Variants in TLK2 observed in about 807,000 individuals in gnomAD.
TLK2 encodes serine/threonine-protein kinase tousled-like 2.
A neutral mutation model predicts 117.3 loss-of-function variants in TLK2; 6 were observed. The ratio of observed to expected loss-of-function variants is 0.05; its 90% CI spans 0.03 to 0.10. The LOEUF is 0.10. Among genes scored for constraint, TLK2 ranks in the 10% least tolerant of loss-of-function variants. TLK2 has a pLI of 1.00. For missense variants in TLK2, 299 were observed against 901.2 expected (o/e 0.33, Z 8.56); for synonymous variants, 257 against 316.7 (o/e 0.81, Z 2.00).
intron 15 of TLK2, among the ~76,000 whole-genome samples, chr17:62,583,266 T>C (rs1287274869): frequency 1.3e-5 from 2 of 152,134 alleles, no homozygotes; most frequent in Admixed American, 1.3e-4. Flanking sequence ...CTATTTTTTT[T>C]GTATTTTTAG....
intron 1 of TLK2, among the ~76,000 whole-genome samples, chr17:62,471,341 T>C (rs1041670145): frequency 3.3e-5 from 5 of 152,190 alleles, no homozygotes; most frequent in South Asian, 2.1e-4. Flanking sequence ...GACCGAATGA[T>C]TGACAGTCTG....
chr17:62,578,131 T>C (rs916816754), intron 13 of TLK2, among the ~76,000 whole-genome samples: 1 of 152,188 alleles, frequency 6.6e-6, no homozygotes, highest in African/African-American at 2.4e-5. Flanking sequence ...ATAACCTGAT[T>C]TTTGTAAAAA....
At chr17:62,594,725 A>G (rs2082330191) in intron 16 of TLK2, among the ~76,000 whole-genome samples, 1 of 152,104 alleles carries the variant, frequency 6.6e-6, no homozygotes, top group African/African-American at 2.4e-5. Context: ...CAGAGCCTAT[A>G]TCAGCAGCTC....
chr17:62,576,585 T>A, intron 12 of TLK2, 124 bp from the exon 13 acceptor site: 1 of 735,240 alleles, frequency 1.4e-6, no homozygotes, highest in Non-Finnish European at 2.4e-6. Context: ...AGATAACCCA[T>A]CTTTCAGTCA....
chr17:62,518,195 C>T (rs2075768648), intron 2 of TLK2, among the ~76,000 whole-genome samples: 2 of 152,084 alleles, frequency 1.3e-5, no homozygotes, highest in South Asian at 2.1e-4. Context: ...TTTGCAACCT[C>T]GGGCATAAAT....
Position 62,526,060 on chromosome 17 carries a change from A to T in TLK2, c.363+1729A>T, listed in dbSNP as rs2076349083. On this transcript the variant is annotated intron_variant, in intron 6 of 21. Transcript: ENST00000346027. ...TAGGTTGAATCTTACCTGAAGACAA[A>T]AGAGATGAACTCAATGATCTGTAGA... Among the ~76,000 whole-genome samples the T allele has an allele frequency of 2.0e-5, 3 of 152,220 alleles. 1 individual carries two copies. The South Asian group carries it at 6.2e-4, about 31-fold the overall frequency.
chr17:62,551,441 C>T (rs2078447141), intron 7 of TLK2, among the ~76,000 whole-genome samples: 1 of 152,130 alleles, frequency 6.6e-6, no homozygotes, highest in African/African-American at 2.4e-5. Flanking sequence ...TGTGGTGGCT[C>T]ACGCCTGTAA....
Position 62,603,219 on chromosome 17 carries a change from T to G in TLK2, c.1859+1039T>G, listed in dbSNP as rs569941783. ...GGGGCATGGCGTTCACAACACAGCA[T>G]CAGCCCTGTGCTCATCGTGAAGCCT... On this transcript the variant is annotated intron_variant, in intron 19 of 21. Coordinates refer to ENST00000346027, the MANE Select transcript of TLK2 (RefSeq NM_006852.6). 5.3e-5 allele frequency among the ~76,000 whole-genome samples: 8 copies of G among 152,320 alleles called. No individual in the cohort carries two copies. The South Asian group carries it at 1.2e-3, about 24-fold the overall frequency.
At position 62,505,407 on chromosome 17, in the gene TLK2, ATTTT is replaced by A. The variant is rs544900638; in HGVS notation, c.82-15343_82-15340del. Among the ~76,000 whole-genome samples the A allele has an allele frequency of 1.1e-3, 61 of 53,764 alleles. 1 individual carries two copies. Among genetic ancestry groups the A allele is most frequent in the Middle Eastern group, 0.031 (1 of 32 alleles). 35.3% of individuals were successfully genotyped at this position (53,764 alleles called of 152,430 possible). A position where few individuals can be genotyped will look rare whatever the true frequency, so the allele number is the denominator to read the frequency against. ...TACAGTCATGCACTACCATACCCAGATTTTTTTTTTTTTTTTTTTTTTTTTTGGT... is the reference window on the plus strand; with the variant it reads ...TACAGTCATGCACTACCATACCCAGATTTTTTTTTTTTTTTTTTTTTTGGT... On this transcript the variant is annotated intron_variant, in intron 2 of 21. Coordinates refer to ENST00000346027, the MANE Select transcript of TLK2 (RefSeq NM_006852.6).
chr17:62,531,270 T>TA (rs148025215), intron 6 of TLK2, among the ~76,000 whole-genome samples: 50,804 of 151,740 alleles, frequency 0.33, 8,662 homozygotes, highest in Admixed American at 0.4. Context: ...TTTTTTGTAT[T>TA]TTTGTTCTTC....
chr17:62,538,995 A>C (rs182547085), intron 7 of TLK2, among the ~76,000 whole-genome samples: 412 of 152,336 alleles, frequency 2.7e-3, no homozygotes, highest in African/African-American at 9.2e-3. Flanking sequence ...GAAGTGCAAA[A>C]TAAAACAAGA....
chr17:62,582,366 G>A (rs747586774), intron 15 of TLK2, among the ~76,000 whole-genome samples: 2 of 152,018 alleles, frequency 1.3e-5, no homozygotes, highest in East Asian at 3.9e-4. Flanking sequence ...CAGCCACCAT[G>A]CTTGGCCTAG....
rs375434880 is a variant in TLK2 at position 62,503,122 on chromosome 17, C to T, written c.82-17651C>T. Among the ~76,000 whole-genome samples the T allele has an allele frequency of 3.4e-3, 482 of 142,362 alleles. 1 individual carries two copies. Among genetic ancestry groups the T allele is most frequent in the South Asian group, 0.011 (51 of 4,556 alleles). 93.4% of individuals were successfully genotyped at this position (142,362 alleles called of 152,430 possible). A position where few individuals can be genotyped will look rare whatever the true frequency, so the allele number is the denominator to read the frequency against. ...TCGCCCAGGCTGGAGTGCAGTGGCGCGATCTTGGCTCACGGCAAGCTCCGC... is the reference window on the plus strand; with the variant it reads ...TCGCCCAGGCTGGAGTGCAGTGGCGTGATCTTGGCTCACGGCAAGCTCCGC... On this transcript the variant is annotated intron_variant, in intron 2 of 21. Coordinates refer to ENST00000346027, the MANE Select transcript of TLK2 (RefSeq NM_006852.6).
chr17:62,596,483 G>C (rs979334688), intron 16 of TLK2, 102 bp from the exon 17 acceptor site: 2 of 866,630 alleles, frequency 2.3e-6, no homozygotes, highest in South Asian at 3.0e-5. Context: ...GAATTAACAT[G>C]TGGAGACAAT....
intron 3 of TLK2, among the ~76,000 whole-genome samples, chr17:62,521,205 G>A (rs1305174025): frequency 2.0e-5 from 3 of 152,160 alleles, no homozygotes; most frequent in African/African-American, 7.2e-5. Context: ...GGTGCTGTTA[G>A]ACTCTGTGTA....
intron 2 of TLK2, among the ~76,000 whole-genome samples, chr17:62,498,600 A>G (rs931868848): frequency 6.6e-6 from 1 of 152,112 alleles, no homozygotes; most frequent in Non-Finnish European, 1.5e-5. Context: ...CATTTTGCCC[A>G]GGCTGGTCTC....
In TLK2 at chr17:62,596,572, C is replaced by T. The variant is rs191247867; in HGVS notation, c.1461-13C>T. On this transcript the variant is annotated splice_polypyrimidine_tract_variant and intron_variant, in intron 16 of 21. Transcript: ENST00000346027. ...CAATATACCTTCTTGTTAATTTTCC[C>T]TTTTGTTTACAGGCATGCATGTAGG... 372 of 1,610,000 alleles carry T rather than the reference C, an allele frequency of 2.3e-4. 1 individual carries two copies. Among genetic ancestry groups the T allele is most frequent in the African/African-American group, 2.2e-3 (165 of 74,906 alleles).
At chr17:62,537,059 G>A (rs369099012) in intron 7 of TLK2, among the ~76,000 whole-genome samples, 18 of 152,276 alleles carry the variant, frequency 1.2e-4, no homozygotes, top group Admixed American at 9.8e-4. Context: ...CCCCGTCGCC[G>A]TATTCCTATT....
chr17:62,475,878 G>A (rs1324993467), upstream of TLK2, among the ~76,000 whole-genome samples: 3 of 145,408 alleles, frequency 2.1e-5, no homozygotes, highest in East Asian at 2.1e-4. Context: ...AGACAGGATG[G>A]TCTCGACCTC....
Sources: gnomAD v4.1 joint callset for allele counts (sites outside exome capture counted in the v4.1 genomes callset) on GRCh38, gnomAD v4.1.1 for gene constraint, MANE v1.5 for transcripts, NCBI Gene and HGNC (gene_info 2026-07-23, HGNC 2026-07-21) for gene names.